MYO3A: variants seen among roughly 807,000 people sequenced by gnomAD.
MYO3A encodes the protein myosin IIIA.
Under a neutral mutation model 192.7 loss-of-function variants are expected in MYO3A, and 180 were observed. The ratio of observed to expected loss-of-function variants is 0.93; its 90% CI spans 0.83 to 1.06. The LOEUF is 1.06. MYO3A is among the 50% of genes least tolerant of loss of function. MYO3A has a pLI of 0.00. For synonymous variants in MYO3A, 628 were observed against 645.3 expected, an observed-to-expected ratio of 0.97 and a Z score of 0.41; for missense variants, 1,896 against 1,905.0, an observed-to-expected ratio of 1.00 and a Z score of 0.09.
At chr10:26,199,016 A>T (rs966441660) in intron 32 of MYO3A, among the ~76,000 whole-genome samples, 1 of 152,196 alleles carries the variant, frequency 6.6e-6, no homozygotes, top group African/African-American at 2.4e-5. Context: ...TTGAGGAGTG[A>T]TATGCTTCCC....
intron 2 of MYO3A, among the ~76,000 whole-genome samples, chr10:25,948,410 T>G (rs1347750060): frequency 6.6e-6 from 1 of 152,146 alleles, no homozygotes. Flanking sequence ...ATTTCAAAAA[T>G]GTAGCTTTGC....
intron 17 of MYO3A, among the ~76,000 whole-genome samples, chr10:26,105,718 T>C (rs1010419169): frequency 4.6e-5 from 7 of 152,116 alleles, no homozygotes; most frequent in African/African-American, 1.7e-4. Context: ...TTCAAACAAA[T>C]TTACGTTTTT....
chr10:26,209,141 A>G (rs968005286), intron 34 of MYO3A, among the ~76,000 whole-genome samples: 1 of 152,204 alleles, frequency 6.6e-6, no homozygotes, highest in Non-Finnish European at 1.5e-5. Flanking sequence ...TGAATATATC[A>G]GTCGTCCTAC....
In MYO3A at chr10:26,068,818, C is replaced by T. The variant is rs35379457; in HGVS notation, c.1104C>T (p.Tyr368=). The change falls in exon 12 of 35, where the codon TAC becomes TAT. Residue 368 remains tyrosine, a synonymous_variant. Coordinates refer to ENST00000642920, the MANE Select transcript of MYO3A (RefSeq NM_017433.5). The part of the protein sequence containing the change: ...LEKCYSRDQI[Y]VYVGDILIAL... ...AGTGTTATTCCAGAGATCAGATCTA[C>T]GTCTATGTGGGAGACATACTCATTG... is the stretch of plus-strand genomic sequence containing the variant. 824,560 of 1,585,094 alleles carry T rather than the reference C, an allele frequency of 0.52. 220,702 individuals carry two copies. Among genetic ancestry groups the T allele is most frequent in the Middle Eastern group, 0.56 (3,339 of 5,996 alleles).
chr10:26,174,634 ATAACTGG>A, intron 30 of MYO3A, 77 bp downstream of exon 30: 1 of 1,241,140 alleles, frequency 8.1e-7, no homozygotes, highest in Non-Finnish European at 1.2e-6. Flanking sequence ...CACATAATTA[ATAACTGG>A]TAGATTGTTT....
rs186606437 is a variant in MYO3A at position 26,035,705 on chromosome 10, T to C, written c.953+9173T>C. ...AGCCAACAAAGCTGTAACTCAAGTATAATGATTTTTCAGACTAGCTCTTTT... is the reference window on the plus strand; with the variant it reads ...AGCCAACAAAGCTGTAACTCAAGTACAATGATTTTTCAGACTAGCTCTTTT... On this transcript the variant is annotated intron_variant, in intron 10 of 34. Transcript: ENST00000642920. Among the ~76,000 whole-genome samples the C allele has an allele frequency of 5.3e-5, 8 of 152,312 alleles. No homozygotes were observed. In the East Asian group the frequency reaches 1.4e-3, roughly 26 times the overall value.
intron 10 of MYO3A, among the ~76,000 whole-genome samples, chr10:26,043,186 T>TCTCTCTCG (rs1843449729): frequency 6.6e-6 from 1 of 150,564 alleles, no homozygotes; most frequent in African/African-American, 2.4e-5. Flanking sequence ...TCTCTCTCTC[T>TCTCTCTCG]GTTCTGAGCT....
rs1157317800 is a variant in MYO3A at position 26,193,324 on chromosome 10, C to T, written c.4545+13C>T. On this transcript the variant is annotated intron_variant, in intron 32 of 34. Coordinates refer to ENST00000642920, the MANE Select transcript of MYO3A (RefSeq NM_017433.5). ...TTATCTACTTCATGTAAGTGGCTCACTCTTACTATCAGATGGGAGCCATCA... is the reference window on the plus strand; with the variant it reads ...TTATCTACTTCATGTAAGTGGCTCATTCTTACTATCAGATGGGAGCCATCA... 6.3e-7 allele frequency: 1 copy of T among 1,583,580 alleles called. No individual in the cohort carries two copies. Among genetic ancestry groups the T allele is most frequent in the Non-Finnish European group, 8.7e-7 (1 of 1,153,022 alleles).
intron 4 of MYO3A, among the ~76,000 whole-genome samples, chr10:25,986,711 G>A (rs1839676455): frequency 6.6e-6 from 1 of 152,156 alleles, no homozygotes; most frequent in African/African-American, 2.4e-5. Context: ...AGAAATCACA[G>A]ATGACACAAA....
chr10:25,954,748 T>C (rs1186315300), intron 3 of MYO3A, 126 bp from the exon 4 acceptor site: 1 of 979,302 alleles, frequency 1.0e-6, no homozygotes, highest in African/African-American at 1.6e-5. Flanking sequence ...TACATAATAC[T>C]AAGCACAGTA....
chr10:25,946,100 A>G (rs1307981205), intron 2 of MYO3A, among the ~76,000 whole-genome samples: 2 of 152,194 alleles, frequency 1.3e-5, no homozygotes, highest in African/African-American at 4.8e-5. Flanking sequence ...TGTGTTTGAA[A>G]TTCAAGATAA....
chr10:26,165,626 TG>T (rs1470290811), intron 26 of MYO3A, among the ~76,000 whole-genome samples: 1 of 152,234 alleles, frequency 6.6e-6, no homozygotes, highest in Non-Finnish European at 1.5e-5. Flanking sequence ...GAAGTTTCAC[TG>T]GAATTAAGCT....
intron 20 of MYO3A, among the ~76,000 whole-genome samples, chr10:26,138,638 G>T (rs375318619): frequency 6.6e-6 from 1 of 152,076 alleles, no homozygotes; most frequent in African/African-American, 2.4e-5. Context: ...GTCTTACTTC[G>T]TATGCCACAG....
At chr10:26,135,842 T>C (rs546049618) in intron 20 of MYO3A, among the ~76,000 whole-genome samples, 1 of 151,640 alleles carries the variant, frequency 6.6e-6, no homozygotes, top group East Asian at 1.9e-4. Flanking sequence ...GGTGGGTGTC[T>C]AGAATCCCAG....
chr10:25,935,792 C>A lies in MYO3A; in HGVS notation c.-56C>A, dbSNP rs1836025003. The A allele has an allele frequency of 6.6e-6, 1 of 152,174 alleles. No individual in the cohort carries two copies. 9.4% of individuals were successfully genotyped at this position (152,174 alleles called of 1,614,324 possible). On this transcript the variant is annotated 5_prime_UTR_variant, in exon 2 of 35. The change creates a new upstream start codon in the 5' untranslated region. Transcript: ENST00000642920. ...GACACAGTATTCAAAGTTTTGGCGT[C>A]TGAGCATTGTTATGCGTTATTTTCA...
At chr10:26,109,879 A>G (rs1440263293) in intron 17 of MYO3A, among the ~76,000 whole-genome samples, 1 of 152,178 alleles carries the variant, frequency 6.6e-6, no homozygotes, top group Middle Eastern at 3.2e-3. Context: ...GAGGAGCCAG[A>G]GGGGAATCTG....
chr10:25,961,406 T>G (rs1381360124), intron 4 of MYO3A, among the ~76,000 whole-genome samples: 6 of 152,134 alleles, frequency 3.9e-5, no homozygotes, highest in African/African-American at 1.4e-4. Context: ...GCAGATTGAT[T>G]AAAATGAGTT....
chr10:26,016,702 C>T (rs1842001684), intron 6 of MYO3A, 118 bp from the exon 7 acceptor site: 9 of 918,256 alleles, frequency 9.8e-6, no homozygotes, highest in Non-Finnish European at 1.6e-5. Context: ...ACACTAGGTC[C>T]ACTGGCAGGT....
At chr10:26,138,764 C>A (rs886376425) in intron 20 of MYO3A, among the ~76,000 whole-genome samples, 7 of 152,186 alleles carry the variant, frequency 4.6e-5, no homozygotes, top group African/African-American at 1.7e-4. Context: ...CTTGTCAAGT[C>A]AGTCCACTGA....
Sources: allele counts gnomAD v4.1 joint callset (sites outside exome capture counted in the v4.1 genomes callset), GRCh38; gene constraint gnomAD v4.1.1; transcripts MANE v1.5; gene names NCBI Gene and HGNC (gene_info 2026-07-23, HGNC 2026-07-21).